Variants in NFASC observed in about 807,000 individuals in gnomAD.
NFASC encodes the protein neurofascin.
NFASC carries 43 observed loss-of-function variants against 147.5 expected under a neutral mutation model. The observed-to-expected ratio is 0.29, with a 90% CI of 0.23 to 0.38. The LOEUF is 0.38. NFASC is among the 10% of genes least tolerant of loss of function. NFASC has a pLI of 1.00. For synonymous variants in NFASC, 622 were observed against 665.5 expected (o/e 0.93, Z 1.01); for missense variants, 1,320 against 1,689.0 (o/e 0.78, Z 3.83).
chr1:204,920,490 T>G (rs2090231993), intron 1 of NFASC, 142 bp from the exon 2 acceptor site: 1 of 344,920 alleles, frequency 2.9e-6, no homozygotes, highest in Admixed American at 3.9e-5. Flanking sequence ...GATGCTGTTA[T>G]GCTATGCAAA....
intron 1 of NFASC, among the ~76,000 whole-genome samples, chr1:204,850,388 G>C (rs2075565599): frequency 6.6e-6 from 1 of 152,208 alleles, no homozygotes; most frequent in South Asian, 2.1e-4. Flanking sequence ...GAGACAAGAT[G>C]CCTCTCATGC....
rs1259253679 is a variant in NFASC, at chr1:204,973,289, C to A, written c.1149C>A (p.Asn383Lys). 1 of 1,614,220 alleles carries A rather than the reference C, an allele frequency of 6.2e-7. No individual in the cohort carries two copies. The highest frequency in any genetic ancestry group is 2.2e-5 in the East Asian group (1 of 44,888). The change falls in exon 12 of 30, where the codon AAC (asparagine) becomes AAA (lysine). Residue 383 changes from asparagine (N) to lysine (K), a missense_variant. Physicochemically the swap from Asn to Lys is moderately conservative, Grantham distance 94. Transcript: ENST00000339876. ...TCTTGTCTGTAGCGGCACCACCTAA[C>A]CCAAACCGTGAGGTGGCCGGAGACA... ...NGEPLQSAPPNPNREVAGDTI... is the reference protein window; with the variant it reads ...NGEPLQSAPPKPNREVAGDTI...
intron 3 of NFASC, among the ~76,000 whole-genome samples, chr1:204,945,200 G>C (rs1234120601): frequency 3.9e-5 from 6 of 152,160 alleles, no homozygotes; most frequent in Admixed American, 1.3e-4. Flanking sequence ...CCTGCCTTTA[G>C]GTGTGTGCCA....
At chr1:204,996,909 C>T (rs953899596) in intron 24 of NFASC, among the ~76,000 whole-genome samples, 2 of 152,152 alleles carry the variant, frequency 1.3e-5, no homozygotes, top group African/African-American at 4.8e-5. Context: ...GCATCCTTGG[C>T]TGGGTGCATG....
intron 1 of NFASC, among the ~76,000 whole-genome samples, chr1:204,883,513 T>C (rs1350936181): frequency 6.6e-6 from 1 of 152,020 alleles, no homozygotes; most frequent in Non-Finnish European, 1.5e-5. Context: ...TGCTCAGGAG[T>C]CAGCTGGCAG....
intron 8 of NFASC, among the ~76,000 whole-genome samples, chr1:204,960,152 G>A (rs2094599919): frequency 6.6e-6 from 1 of 152,194 alleles, no homozygotes; most frequent in Non-Finnish European, 1.5e-5. Context: ...AGGCAAAGCA[G>A]TCAGGCAGGG....
intron 24 of NFASC, 79 bp from the exon 25 acceptor site, chr1:204,997,091 C>T: frequency 2.6e-6 from 4 of 1,551,052 alleles, no homozygotes; most frequent in Non-Finnish European, 3.5e-6. Context: ...GGGCTGCCTG[C>T]CTTGCACGCG....
intron 8 of NFASC, among the ~76,000 whole-genome samples, chr1:204,967,574 C>T (rs1483799022): frequency 6.6e-6 from 1 of 152,080 alleles, no homozygotes; most frequent in African/African-American, 2.4e-5. Flanking sequence ...CCACCCCCTC[C>T]CCGAGCAGCT....
chr1:204,977,132 C>A, intron 16 of NFASC: 10 of 1,154,114 alleles, frequency 8.7e-6, no homozygotes, highest in Non-Finnish European at 1.1e-5. Context: ...TTAAAACAAT[C>A]CATCCTTAAA....
Position 205,001,254 on chromosome 1 carries a change from C to T in NFASC, c.3104C>T (p.Pro1035Leu), listed in dbSNP as rs964243073. The T allele has an allele frequency of 7.4e-6, 12 of 1,612,066 alleles. No individual in the cohort carries two copies. In the Admixed American group the frequency reaches 1.8e-4, roughly 25 times the overall value. ...ANITWKHNFG[P>L]GTDFVVEYID... ...ATCACCTGGAAGCACAATTTCGGGC[C>T]CGGAACTGACTTTGTGGTTGAGTAC... The change falls in exon 26 of 30, where the codon CCC becomes CTC. Residue 1035 changes from proline to leucine, a missense_variant. This residue lies in a region of NFASC where 172 missense variants were observed against 165.8 expected (regional missense o/e 1.04). Transcript: ENST00000339876.
At chr1:204,858,102 T>G (rs1353128928) in intron 1 of NFASC, among the ~76,000 whole-genome samples, 3 of 151,458 alleles carry the variant, frequency 2.0e-5, no homozygotes, top group Non-Finnish European at 3.0e-5. Context: ...GTATTTTTAG[T>G]AGAGATGGGG....
At chr1:204,852,075 A>G (rs569797218) in intron 1 of NFASC, among the ~76,000 whole-genome samples, 1 of 152,352 alleles carries the variant, frequency 6.6e-6, no homozygotes, top group African/African-American at 2.4e-5. Context: ...TCTACATAGC[A>G]GAACTAAAAT....
chr1:205,007,285 A>T (rs2096138299), intron 27 of NFASC, among the ~76,000 whole-genome samples: 1 of 152,046 alleles, frequency 6.6e-6, no homozygotes, highest in South Asian at 2.1e-4. Flanking sequence ...AGTCCCAGCT[A>T]CTTGAGAGGC....
intron 8 of NFASC, chr1:204,962,304 C>A: frequency 1.5e-6 from 1 of 680,230 alleles, no homozygotes; most frequent in South Asian, 1.8e-5. Context: ...AGGCTGCCTG[C>A]CAGGAGGCAG....
In NFASC at chr1:204,974,171, A is replaced by G; in HGVS notation, c.1280-8A>G. 6.2e-7 allele frequency: 1 copy of G among 1,611,798 alleles called. No individual in the cohort carries two copies. Among genetic ancestry groups the G allele is most frequent in the East Asian group, 2.2e-5 (1 of 44,786 alleles). ...TGGCACTCGAGATTGCTTCTCTGGG[A>G]ATTTCAGATGTGCCGCCTCGGATGC... On this transcript the variant is annotated splice_polypyrimidine_tract_variant and splice_region_variant and intron_variant, in intron 12 of 29. Coordinates refer to ENST00000339876, the MANE Select transcript of NFASC (RefSeq NM_001005388.3).
chr1:204,904,389 C>T (rs920793752), intron 1 of NFASC, among the ~76,000 whole-genome samples: 2 of 152,202 alleles, frequency 1.3e-5, no homozygotes, highest in Admixed American at 6.5e-5. Flanking sequence ...TGAGCCACTA[C>T]GCCTGGCCTA....
chr1:204,843,630 C>CCTCCCTT (rs1279123956), intron 1 of NFASC, among the ~76,000 whole-genome samples: 3 of 38,616 alleles, frequency 7.8e-5, no homozygotes, highest in Admixed American at 2.7e-4. Flanking sequence ...CTTCCTTCCT[C>CCTCCCTT]CCTCCCTCCC....
intron 1 of NFASC, among the ~76,000 whole-genome samples, chr1:204,847,044 T>C (rs1434683765): frequency 6.6e-6 from 1 of 151,936 alleles, no homozygotes; most frequent in East Asian, 1.9e-4. Flanking sequence ...GATTTCTGTC[T>C]CCACTGGGGG....
In NFASC at chr1:204,979,053, C is replaced by G; in HGVS notation, c.1962C>G (p.Asn654Lys). 6.4e-7 allele frequency: 1 copy of G among 1,560,624 alleles called. No individual in the cohort carries two copies. The highest frequency in any genetic ancestry group is 8.7e-7 in the Non-Finnish European group (1 of 1,151,526). The change falls in exon 18 of 30, where the codon AAC becomes AAG. Residue 654 changes from asparagine (N) to lysine (K), a missense_variant. Transcript: ENST00000339876. This position sits in a 1 kb window ranked among gnomAD's most constrained non-coding sequence, Gnocchi z 6.0. ...TGACCTGGATCCCCGGGGATGCTAA[C>G]AACAGCCCCATCACAGGTAGCTCAG... Reference protein sequence around the residue: ...VRLTWIPGDANNSPITDYVVQ... With the variant: ...VRLTWIPGDAKNSPITDYVVQ...
Sources: allele counts gnomAD v4.1 joint callset (sites outside exome capture counted in the v4.1 genomes callset), GRCh38; gene constraint gnomAD v4.1.1; regional missense constraint gnomAD v4.1.1; non-coding constraint Gnocchi (gnomAD v3.1); transcripts MANE v1.5; gene names NCBI Gene and HGNC (gene_info 2026-07-23, HGNC 2026-07-21).